Variants in SPOCK3 observed in about 807,000 individuals in gnomAD.
SPOCK3 encodes SPARC (osteonectin), cwcv and kazal like domains proteoglycan 3.
A neutral mutation model predicts 56.6 loss-of-function variants in SPOCK3; 30 were observed. The observed-to-expected ratio is 0.53, with a 90% CI of 0.40 to 0.72. The LOEUF (loss-of-function observed/expected upper bound fraction) is 0.72, where lower values mean the gene tolerates loss of function less well. SPOCK3 is among the 30% of genes least tolerant of loss of function. The pLI is 0.00. For missense variants in SPOCK3, 527 were observed against 530.0 expected (o/e 0.99, Z 0.06); for synonymous variants, 196 against 183.3 (o/e 1.07, Z -0.56).
chr4:167,025,693 CA>C (rs1481884581), intron 3 of SPOCK3, among the ~76,000 whole-genome samples: 2 of 151,944 alleles, frequency 1.3e-5, no homozygotes, highest in Non-Finnish European at 2.9e-5. Context: ...ATATCACCCC[CA>C]AAGCATGTGT....
intron 2 of SPOCK3, among the ~76,000 whole-genome samples, chr4:167,208,701 T>TAGACA (rs1301473603): frequency 6.8e-6 from 1 of 147,706 alleles, no homozygotes; most frequent in African/African-American, 2.6e-5. Flanking sequence ...TGATTTAGAT[T>TAGACA]TTTGTTTATA....
At position 166,810,398 on chromosome 4, in the gene SPOCK3, C is replaced by G. The variant is rs190363605; in HGVS notation, c.590-18109G>C. On this transcript the variant is annotated intron_variant, in intron 6 of 10. Coordinates refer to ENST00000357545, the MANE Select transcript of SPOCK3 (RefSeq NM_001040159.2). ...GAATGCTAGACATTACAGAGTGTGTCCTTGTACTTTCTCAAAAACAATATT... is the reference window on the plus strand; with the variant it reads ...GAATGCTAGACATTACAGAGTGTGTGCTTGTACTTTCTCAAAAACAATATT... 2.6e-3 allele frequency among the ~76,000 whole-genome samples: 393 copies of G among 152,056 alleles called. 3 individuals carry two copies. The highest frequency in any genetic ancestry group is 9.1e-3 in the African/African-American group (377 of 41,496).
chr4:167,101,112 C>T (rs1759599720), intron 2 of SPOCK3, among the ~76,000 whole-genome samples: 1 of 152,076 alleles, frequency 6.6e-6, no homozygotes, highest in Non-Finnish European at 1.5e-5. Context: ...ACTGCTTTCC[C>T]TAATGTTCTC....
At chr4:166,808,141 T>C (rs1047795807) in intron 6 of SPOCK3, among the ~76,000 whole-genome samples, 6 of 152,090 alleles carry the variant, frequency 3.9e-5, no homozygotes, top group African/African-American at 1.4e-4. Context: ...CTATGAGCAT[T>C]GTTAGATGTG....
intron 7 of SPOCK3, among the ~76,000 whole-genome samples, chr4:166,790,731 C>T (rs1741253529): frequency 6.6e-6 from 1 of 152,148 alleles, no homozygotes; most frequent in Non-Finnish European, 1.5e-5. Flanking sequence ...CATTATCTAT[C>T]TCCATATCTG....
At chr4:167,115,616 A>C (rs1212660146) in intron 2 of SPOCK3, among the ~76,000 whole-genome samples, 3 of 152,126 alleles carry the variant, frequency 2.0e-5, no homozygotes, top group Non-Finnish European at 2.9e-5. Context: ...CAAACATATA[A>C]AAACTAACCA....
chr4:167,079,519 C>T (rs754698555), intron 2 of SPOCK3, among the ~76,000 whole-genome samples: 22 of 151,716 alleles, frequency 1.5e-4, no homozygotes, highest in Non-Finnish European at 2.9e-4. Flanking sequence ...AGACTAAATA[C>T]ACCAAGAAAA....
At chr4:166,845,567 T>C (rs1342204810) in intron 6 of SPOCK3, among the ~76,000 whole-genome samples, 1 of 152,196 alleles carries the variant, frequency 6.6e-6, no homozygotes, top group Non-Finnish European at 1.5e-5. Context: ...TTGTAAACAA[T>C]GTCTCTAGGA....
chr4:167,108,082 T>C (rs1202201658), intron 2 of SPOCK3, among the ~76,000 whole-genome samples: 5 of 151,698 alleles, frequency 3.3e-5, no homozygotes, highest in Non-Finnish European at 7.4e-5. Context: ...ATCACAGAAA[T>C]GCAAATCAAA....
At chr4:166,886,086 A>G (rs1445420852) in intron 6 of SPOCK3, among the ~76,000 whole-genome samples, 1 of 152,136 alleles carries the variant, frequency 6.6e-6, no homozygotes, top group African/African-American at 2.4e-5. Flanking sequence ...TCTAATTCTT[A>G]GGATTGCATT....
chr4:166,763,446 A>G (rs540274126), intron 7 of SPOCK3, among the ~76,000 whole-genome samples: 1 of 152,244 alleles, frequency 6.6e-6, no homozygotes, highest in South Asian at 2.1e-4. Context: ...ATGTAATAAT[A>G]CCAGATGGAA....
chr4:167,108,108 C>A (rs999594423), intron 2 of SPOCK3, among the ~76,000 whole-genome samples: 2 of 151,812 alleles, frequency 1.3e-5, no homozygotes, highest in Admixed American at 6.6e-5. Context: ...AATGAGATAT[C>A]ATCTCACCCC....
chr4:167,074,002 T>A (rs1756941799), intron 2 of SPOCK3, among the ~76,000 whole-genome samples: 1 of 151,736 alleles, frequency 6.6e-6, no homozygotes, highest in Non-Finnish European at 1.5e-5. Flanking sequence ...GTTTTAGATT[T>A]CACTTTTTTC....
intron 4 of SPOCK3, among the ~76,000 whole-genome samples, chr4:166,952,356 C>T (rs1181421929): frequency 6.6e-6 from 1 of 152,098 alleles, no homozygotes; most frequent in Non-Finnish European, 1.5e-5. Flanking sequence ...GAATAAAATA[C>T]CTAGGAATCC....
At chr4:167,080,410 C>G (rs1014074125) in intron 2 of SPOCK3, among the ~76,000 whole-genome samples, 2 of 152,056 alleles carry the variant, frequency 1.3e-5, no homozygotes, top group African/African-American at 4.8e-5. Flanking sequence ...AACATACAAT[C>G]AGTCATTCCT....
At chr4:166,894,974 C>A (rs1298414878) in intron 5 of SPOCK3, among the ~76,000 whole-genome samples, 2 of 151,996 alleles carry the variant, frequency 1.3e-5, no homozygotes, top group African/African-American at 2.4e-5. Context: ...CATGGATGAT[C>A]CTAAACTTCA....
chr4:166,805,772 A>AT lies in SPOCK3; in HGVS notation c.590-13484dup, dbSNP rs767705976. 2.7e-5 allele frequency among the ~76,000 whole-genome samples: 4 copies of AT among 149,892 alleles called. No homozygotes were observed. The South Asian group carries it at 8.4e-4, about 31-fold the overall frequency. On this transcript the variant is annotated intron_variant, in intron 6 of 10. Transcript: ENST00000357545. ...GTACACTTGGCAATCATCTGACATA[A>AT]TAAAAACTGACTGGCTTTGCAAGAG...
At chr4:167,036,321 C>T (rs1040048332) in intron 3 of SPOCK3, among the ~76,000 whole-genome samples, 2 of 152,006 alleles carry the variant, frequency 1.3e-5, no homozygotes, top group Non-Finnish European at 2.9e-5. Flanking sequence ...AAAAAAACAC[C>T]CAAAGTTTGA....
chr4:167,028,112 AT>A (rs1751885250), intron 3 of SPOCK3, among the ~76,000 whole-genome samples: 1 of 151,866 alleles, frequency 6.6e-6, no homozygotes, highest in Admixed American at 6.6e-5. Flanking sequence ...ATTCTTTTTA[AT>A]TGAGTAAAAT....
Sources: gnomAD v4.1 joint callset for allele counts (sites outside exome capture counted in the v4.1 genomes callset) on GRCh38, gnomAD v4.1.1 for gene constraint, MANE v1.5 for transcripts, NCBI Gene and HGNC (gene_info 2026-07-23, HGNC 2026-07-21) for gene names.